Variants in PCDH15 observed in about 807,000 individuals in gnomAD.
PCDH15 encodes protocadherin related 15.
In PCDH15, 129 loss-of-function variants were observed where a neutral mutation model predicts 178.5. That is an observed-to-expected ratio of 0.72 (90% CI 0.63 to 0.84). The LOEUF (loss-of-function observed/expected upper bound fraction) is 0.84. Among genes scored for constraint, PCDH15 ranks in the 40% least tolerant of loss-of-function variants. The pLI is 0.00. For missense variants in PCDH15, 2,230 were observed against 2,099.9 expected, an observed-to-expected ratio of 1.06 and a Z score of -1.21; for synonymous variants, 800 against 732.0, an observed-to-expected ratio of 1.09 and a Z score of -1.50.
At chr10:54,428,602 G>A (rs1320245787) in intron 3 of PCDH15, among the ~76,000 whole-genome samples, 1 of 152,094 alleles carries the variant, frequency 6.6e-6, no homozygotes, top group Non-Finnish European at 1.5e-5. Context: ...CAGAAAACAA[G>A]TATTCATCTC....
chr10:55,105,213 C>T (rs569095003), intron 2 of PCDH15, among the ~76,000 whole-genome samples: 4 of 152,160 alleles, frequency 2.6e-5, no homozygotes, highest in African/African-American at 9.6e-5. Flanking sequence ...ATAGTATCTA[C>T]GTACATTTTA....
chr10:54,847,650 A>G (rs1391565992), intron 3 of PCDH15, among the ~76,000 whole-genome samples: 2 of 152,198 alleles, frequency 1.3e-5, no homozygotes, highest in African/African-American at 4.8e-5. Flanking sequence ...GATAACTAGC[A>G]TACTGAAATT....
intron 2 of PCDH15, among the ~76,000 whole-genome samples, chr10:54,603,497 T>A (rs560032305): frequency 6.6e-6 from 1 of 151,920 alleles, no homozygotes; most frequent in Non-Finnish European, 1.5e-5. Context: ...GTTTCTTTTT[T>A]TTTTTCTTCC....
intron 18 of PCDH15, among the ~76,000 whole-genome samples, chr10:54,057,852 T>C (rs7080783): frequency 0.6 from 91,061 of 151,724 alleles, 27,462 homozygotes; most frequent in Middle Eastern, 0.75. Flanking sequence ...CTGCTAGATA[T>C]CCTGAATCAT....
intron 3 of PCDH15, among the ~76,000 whole-genome samples, chr10:54,884,473 T>C (rs561929036): frequency 2.8e-3 from 322 of 115,046 alleles, no homozygotes; most frequent in Non-Finnish European, 3.9e-3. Flanking sequence ...AGCAGAATAC[T>C]AAGATAGGTG....
At chr10:54,330,018 A>T (rs1939109421) in intron 6 of PCDH15, among the ~76,000 whole-genome samples, 1 of 151,866 alleles carries the variant, frequency 6.6e-6, no homozygotes, top group Non-Finnish European at 1.5e-5. Context: ...TATCTGAAAA[A>T]CTTCCCTGTT....
At chr10:55,380,979 G>A (rs964512387) in intron 2 of PCDH15, among the ~76,000 whole-genome samples, 3 of 152,112 alleles carry the variant, frequency 2.0e-5, no homozygotes, top group African/African-American at 7.2e-5. Context: ...TTGGGATAAG[G>A]TAGTAAATGT....
At chr10:55,196,040 T>C (rs1840085701) in intron 1 of PCDH15, among the ~76,000 whole-genome samples, 1 of 152,174 alleles carries the variant, frequency 6.6e-6, no homozygotes, top group Admixed American at 6.5e-5. Flanking sequence ...TATTGACCAA[T>C]TGTCAGTGAA....
intron 2 of PCDH15, among the ~76,000 whole-genome samples, chr10:55,442,879 T>C (rs1051012233): frequency 1.3e-5 from 2 of 152,030 alleles, no homozygotes; most frequent in African/African-American, 2.4e-5. Flanking sequence ...GTGTATCACG[T>C]TTTGTCCCAA....
At chr10:54,429,033 AG>A (rs1213685138) in intron 3 of PCDH15, among the ~76,000 whole-genome samples, 12 of 151,926 alleles carry the variant, frequency 7.9e-5, no homozygotes, top group African/African-American at 2.9e-4. Context: ...TGAACAGTGT[AG>A]CACTGTAATG....
intron 1 of PCDH15, among the ~76,000 whole-genome samples, chr10:55,178,884 T>A (rs1010552708): frequency 6.6e-6 from 1 of 152,120 alleles, no homozygotes; most frequent in African/African-American, 2.4e-5. Context: ...GAAATCTCTT[T>A]TCTAAAATTT....
intron 2 of PCDH15, among the ~76,000 whole-genome samples, chr10:55,387,873 T>A (rs1837700130): frequency 6.6e-6 from 1 of 152,054 alleles, no homozygotes; most frequent in South Asian, 2.1e-4. Context: ...AGCTTTCTAT[T>A]TTCAAGTTTT....
intron 1 of PCDH15, among the ~76,000 whole-genome samples, chr10:54,667,316 C>T (rs549360391): frequency 3.6e-4 from 55 of 151,996 alleles, no homozygotes; most frequent in African/African-American, 1.3e-3. Context: ...ACACAGAACA[C>T]ATATTGACTT....
At chr10:53,904,191 T>C (rs2082514965) in intron 25 of PCDH15, among the ~76,000 whole-genome samples, 1 of 152,190 alleles carries the variant, frequency 6.6e-6, no homozygotes, top group Non-Finnish European at 1.5e-5. Flanking sequence ...AATAAGTGGC[T>C]ATTCATTTTG....
chr10:54,324,270 T>C (rs1054483408), intron 7 of PCDH15, among the ~76,000 whole-genome samples: 2 of 152,106 alleles, frequency 1.3e-5, no homozygotes, highest in Non-Finnish European at 2.9e-5. Context: ...TGCTTACACA[T>C]TTTATTTGAA....
At chr10:54,769,392 G>A (rs1323841918) in intron 1 of PCDH15, among the ~76,000 whole-genome samples, 1 of 148,998 alleles carries the variant, frequency 6.7e-6, no homozygotes, top group Non-Finnish European at 1.5e-5. Context: ...TTTGTTAAGT[G>A]AAAGGATGCT....
chr10:54,812,437 AT>A (rs1158563934), intron 3 of PCDH15, among the ~76,000 whole-genome samples: 13 of 150,572 alleles, frequency 8.6e-5, no homozygotes, highest in Non-Finnish European at 1.5e-4. Flanking sequence ...CACCCAACTA[AT>A]TTTTTGTTTG....
chr10:54,111,532 A>T (rs1009588170), intron 15 of PCDH15, among the ~76,000 whole-genome samples: 3 of 152,158 alleles, frequency 2.0e-5, no homozygotes, highest in African/African-American at 7.2e-5. Context: ...GGAAGTTTTC[A>T]CTTTCTACTA....
intron 2 of PCDH15, chr10:54,607,131 TA>T (rs1376935143): frequency 1.3e-5 from 2 of 152,124 alleles, no homozygotes; most frequent in African/African-American, 4.8e-5. Context: ...ATTGCAATTT[TA>T]AAAAATTAAA....
Sources: gnomAD v4.1 joint callset for allele counts (sites outside exome capture counted in the v4.1 genomes callset) on GRCh38, gnomAD v4.1.1 for gene constraint, MANE v1.5 for transcripts, NCBI Gene and HGNC (gene_info 2026-07-23, HGNC 2026-07-21) for gene names.